The following CNTNAP5 variants were observed in gnomAD, a reference collection of about 807,000 sequenced individuals.
CNTNAP5 encodes the protein contactin-associated protein-like 5.
In CNTNAP5, 72 loss-of-function variants were observed where a neutral mutation model predicts 150.2. The ratio of observed to expected loss-of-function variants is 0.48; its 90% CI spans 0.40 to 0.58. The LOEUF (loss-of-function observed/expected upper bound fraction) is 0.58. Among genes scored for constraint, CNTNAP5 ranks in the 20% least tolerant of loss-of-function variants. The probability of loss-of-function intolerance (pLI) is 0.00; values close to 1 mark genes in which losing one functional copy is unlikely to be tolerated. For missense variants in CNTNAP5, 1,636 were observed against 1,626.2 expected, an observed-to-expected ratio of 1.01 and a Z score of -0.10; for synonymous variants, 672 against 619.8, an observed-to-expected ratio of 1.08 and a Z score of -1.25.
chr2:124,286,083 A>G (rs569316454), intron 3 of CNTNAP5, among the ~76,000 whole-genome samples: 2 of 152,324 alleles, frequency 1.3e-5, no homozygotes, highest in South Asian at 4.1e-4. Context: ...TTTTATTTTG[A>G]TAACAGAACA....
intron 13 of CNTNAP5, among the ~76,000 whole-genome samples, chr2:124,696,122 A>T (rs1033332620): frequency 6.6e-6 from 1 of 152,178 alleles, no homozygotes; most frequent in South Asian, 2.1e-4. Context: ...GGTAAAGGTC[A>T]TGATGCTGCT....
At chr2:124,336,396 T>C (rs1442174791) in intron 3 of CNTNAP5, among the ~76,000 whole-genome samples, 3 of 152,110 alleles carry the variant, frequency 2.0e-5, no homozygotes, top group Non-Finnish European at 2.9e-5. Flanking sequence ...CATTATACTT[T>C]AAGTTTTAGG....
At chr2:124,534,352 G>A (rs1361913988) in intron 10 of CNTNAP5, among the ~76,000 whole-genome samples, 3 of 152,156 alleles carry the variant, frequency 2.0e-5, no homozygotes, top group Admixed American at 2.0e-4. Context: ...TACTCCACAG[G>A]CAGAGCAGTG....
At chr2:124,641,957 G>A (rs1678102875) in intron 12 of CNTNAP5, among the ~76,000 whole-genome samples, 1 of 152,080 alleles carries the variant, frequency 6.6e-6, no homozygotes, top group Admixed American at 6.5e-5. Flanking sequence ...GGTAACAGAT[G>A]GAATTGCTTA....
intron 3 of CNTNAP5, among the ~76,000 whole-genome samples, chr2:124,321,519 A>T (rs1320017456): frequency 6.6e-6 from 1 of 152,144 alleles, no homozygotes; most frequent in Non-Finnish European, 1.5e-5. Context: ...TTCATCATCT[A>T]AAAAAGGGGA....
intron 19 of CNTNAP5, among the ~76,000 whole-genome samples, chr2:124,860,217 G>A (rs1169334097): frequency 6.6e-6 from 1 of 151,952 alleles, no homozygotes; most frequent in African/African-American, 2.4e-5. Flanking sequence ...GTGCATGGTG[G>A]TGGGCGCCTG....
rs751364383 is a variant in CNTNAP5 at position 124,773,024 on chromosome 2, G to T, written c.2752+7G>T. 45 of 1,609,714 alleles carry T rather than the reference G, an allele frequency of 2.8e-5. No individual in the cohort carries two copies. Among genetic ancestry groups the T allele is most frequent in the Non-Finnish European group, 3.5e-5 (41 of 1,177,456 alleles). ...AACAGCCAGTTGTTTGTAGGTAGGG[G>T]ACATCTTAAGGCTCCTTTTGTGCTA... On this transcript the variant is annotated splice_region_variant and intron_variant, in intron 17 of 23. Transcript: ENST00000682447.
intron 1 of CNTNAP5, among the ~76,000 whole-genome samples, chr2:124,184,058 T>A (rs755595273): frequency 6.6e-6 from 1 of 152,176 alleles, no homozygotes; most frequent in Non-Finnish European, 1.5e-5. Context: ...ATTTGCTAAG[T>A]TGCAACTAGT....
chr2:124,323,851 C>T (rs995238310), intron 3 of CNTNAP5, among the ~76,000 whole-genome samples: 2 of 151,676 alleles, frequency 1.3e-5, no homozygotes, highest in Admixed American at 6.6e-5. Context: ...AAAGTTATGG[C>T]CTTTGTGTGT....
intron 13 of CNTNAP5, among the ~76,000 whole-genome samples, chr2:124,739,273 A>T (rs923797125): frequency 3.9e-5 from 6 of 152,142 alleles, no homozygotes; most frequent in African/African-American, 1.4e-4. Context: ...TATGTTCTGA[A>T]TTAACGATCT....
chr2:124,366,457 C>G (rs1051658698), intron 3 of CNTNAP5, among the ~76,000 whole-genome samples: 1 of 152,254 alleles, frequency 6.6e-6, no homozygotes, highest in Admixed American at 6.5e-5. Flanking sequence ...TAGCCCAAGA[C>G]TAGCAGTGGC....
At chr2:124,487,677 ATC>A (rs1304441250) in intron 7 of CNTNAP5, among the ~76,000 whole-genome samples, 1 of 151,828 alleles carries the variant, frequency 6.6e-6, no homozygotes, top group African/African-American at 2.4e-5. Flanking sequence ...GGCACATATA[ATC>A]CTCCATATTG....
At chr2:124,656,399 C>T (rs994430521) in intron 13 of CNTNAP5, among the ~76,000 whole-genome samples, 3 of 152,096 alleles carry the variant, frequency 2.0e-5, no homozygotes, top group Non-Finnish European at 4.4e-5. Flanking sequence ...TGTTTTTAAG[C>T]GTTTGCCACA....
chr2:124,487,217 A>G (rs1323905402), intron 7 of CNTNAP5, among the ~76,000 whole-genome samples: 1 of 152,182 alleles, frequency 6.6e-6, no homozygotes, highest in Non-Finnish European at 1.5e-5. Flanking sequence ...GCATATTCAA[A>G]TTCATCCCCA....
At chr2:124,230,971 T>A (rs1441544461) in intron 2 of CNTNAP5, among the ~76,000 whole-genome samples, 2 of 152,146 alleles carry the variant, frequency 1.3e-5, no homozygotes, top group African/African-American at 4.8e-5. Flanking sequence ...ATGGTAAGCA[T>A]CCAAATCTAT....
At chr2:124,037,446 C>A (rs1165255956) in intron 1 of CNTNAP5, among the ~76,000 whole-genome samples, 1 of 152,184 alleles carries the variant, frequency 6.6e-6, no homozygotes, top group Non-Finnish European at 1.5e-5. Context: ...TGTTCATTAG[C>A]AGATTAATGG....
chr2:124,030,638 T>A (rs1235699604), intron 1 of CNTNAP5, among the ~76,000 whole-genome samples: 1 of 151,840 alleles, frequency 6.6e-6, no homozygotes, highest in East Asian at 1.9e-4. Context: ...CACAGCCAAC[T>A]CCAGAGTCAC....
At chr2:124,897,918 A>G (rs1343319354) in intron 21 of CNTNAP5, among the ~76,000 whole-genome samples, 3 of 148,250 alleles carry the variant, frequency 2.0e-5, no homozygotes, top group East Asian at 3.9e-4. Context: ...TAAACATAAA[A>G]GCAGTAAGCA....
At chr2:124,589,780 A>C (rs4848944) in intron 11 of CNTNAP5, among the ~76,000 whole-genome samples, 60,943 of 151,984 alleles carry the variant, frequency 0.4, 12,943 homozygotes, top group South Asian at 0.61. Flanking sequence ...GTTTAGTTCC[A>C]TGGAATTTTA....
Sources: gnomAD v4.1 joint callset for allele counts (sites outside exome capture counted in the v4.1 genomes callset) on GRCh38, gnomAD v4.1.1 for gene constraint, MANE v1.5 for transcripts, NCBI Gene and HGNC (gene_info 2026-07-23, HGNC 2026-07-21) for gene names.